Variants in LEF1 observed in about 807,000 individuals in gnomAD.
LEF1 encodes the protein lymphoid enhancer binding factor 1.
A neutral mutation model predicts 51.2 loss-of-function variants in LEF1; 14 were observed. The observed-to-expected ratio is 0.27, with a 90% confidence interval of 0.18 to 0.43. The LOEUF (loss-of-function observed/expected upper bound fraction) is 0.43. Ranked by LOEUF, LEF1 falls within the 20% of genes least tolerant of loss-of-function variation. The pLI, the probability that LEF1 is intolerant of heterozygous loss-of-function variation, is 1.00. For synonymous variants in LEF1, 185 were observed against 183.2 expected, an observed-to-expected ratio of 1.01 and a Z score of -0.08; for missense variants, 386 against 512.0, an observed-to-expected ratio of 0.75 and a Z score of 2.37.
intron 3 of LEF1, among the ~76,000 whole-genome samples, chr4:108,094,596 G>C (rs1740257640): frequency 6.6e-6 from 1 of 152,218 alleles, no homozygotes; most frequent in East Asian, 1.9e-4. Context: ...CTGGATAGAG[G>C]AGTAACTGGG....
At chr4:108,102,196 C>G (rs980430029) in intron 3 of LEF1, among the ~76,000 whole-genome samples, 1 of 152,008 alleles carries the variant, frequency 6.6e-6, no homozygotes, top group African/African-American at 2.4e-5. Flanking sequence ...TCTGAAAGAA[C>G]ATAAATGGTA....
At chr4:108,105,002 G>A (rs1484531159) in intron 3 of LEF1, among the ~76,000 whole-genome samples, 2 of 152,068 alleles carry the variant, frequency 1.3e-5, no homozygotes, top group Non-Finnish European at 2.9e-5. Flanking sequence ...TGAAGAGAAC[G>A]TGCAGACTCT....
chr4:108,081,396 G>C (rs1430958968), intron 6 of LEF1, among the ~76,000 whole-genome samples, 190 bp downstream of exon 6: 1 of 152,082 alleles, frequency 6.6e-6, no homozygotes, highest in Admixed American at 6.5e-5. Context: ...GTCCGGCCGG[G>C]GCACAGCGCA....
intron 3 of LEF1, among the ~76,000 whole-genome samples, chr4:108,099,542 A>ATGTG (rs67372037): frequency 1.3e-4 from 15 of 117,004 alleles, no homozygotes; most frequent in Admixed American, 1.2e-3. Context: ...ATATGTGTAT[A>ATGTG]TGTGTGTGTG....
In LEF1 at chr4:108,167,351, TACACACACACACACACACACACACACAC is replaced by T. The variant is rs35000095; in HGVS notation, c.213+176_213+203del. On this transcript the variant is annotated intron_variant, in intron 1 of 11. Transcript: ENST00000265165. The surrounding 1 kb of genome is among the most constrained non-coding windows in gnomAD (Gnocchi z 5.7). ...TACCCTGCCCCTCTACCTCCCATCC[TACACACACACACACACACACACACACAC>T]ACACACACACACACACTGCGGACCG... 3.0e-5 allele frequency among the ~76,000 whole-genome samples: 4 copies of T among 131,696 alleles called. No homozygotes were observed. The highest frequency in any genetic ancestry group is 7.5e-5 in the Admixed American group (1 of 13,342). The allele number at this position is 131,696 out of a possible 152,430, so 86.4% of individuals were successfully genotyped here.
intron 3 of LEF1, among the ~76,000 whole-genome samples, chr4:108,113,863 G>T (rs1014350815): frequency 1.3e-5 from 2 of 152,018 alleles, no homozygotes; most frequent in African/African-American, 4.8e-5. Flanking sequence ...AAGAAAAGAC[G>T]GATCCAATTG....
Position 108,057,857 on chromosome 4 carries a change from G to C in LEF1, c.*6+5766C>G, listed in dbSNP as rs369434107. ...TTATTTAGCCAAATGTGTTTAAGCA[G>C]ATGATTTTTTTTATCTTTTTTTTTT... On this transcript the variant is annotated intron_variant, in intron 11 of 11. Coordinates refer to ENST00000265165, the MANE Select transcript of LEF1 (RefSeq NM_016269.5). Among the ~76,000 whole-genome samples, 30 of 151,698 alleles carry C rather than the reference G, an allele frequency of 2.0e-4. No homozygotes were observed. The East Asian group carries it at 4.3e-3, about 22-fold the overall frequency.
chr4:108,123,922 A>C (rs1041103153), intron 3 of LEF1, among the ~76,000 whole-genome samples: 1 of 152,078 alleles, frequency 6.6e-6, no homozygotes, highest in Non-Finnish European at 1.5e-5. Flanking sequence ...CAGGAGGATC[A>C]CCTGAGGCCA....
intron 9 of LEF1, among the ~76,000 whole-genome samples, chr4:108,065,652 G>A (rs1738029671): frequency 6.6e-6 from 1 of 152,150 alleles, no homozygotes; most frequent in African/African-American, 2.4e-5. Flanking sequence ...GAACTATCTT[G>A]AGGTGCAGAA....
Position 108,163,643 on chromosome 4 carries a change from C to T in LEF1, c.339G>A (p.Gly113=). 1.2e-6 allele frequency: 2 copies of T among 1,613,728 alleles called. No individual in the cohort carries two copies. The highest frequency in any genetic ancestry group is 1.7e-6 in the Non-Finnish European group (2 of 1,179,706). Residue 113 remains glycine, a synonymous_variant, in exon 3 of 12, where the codon GGG becomes GGA. Transcript: ENST00000265165. ...TATTCATATTTGGCATCATTATGTACCCGGAATAACTCGAGTAGGAGGGTC... is the reference window on the plus strand; with the variant it reads ...TATTCATATTTGGCATCATTATGTATCCGGAATAACTCGAGTAGGAGGGTC... ...NKGPSYSSYS[G]YIMMPNMNND...
At chr4:108,140,958 CATA>C (rs1214438375) in intron 3 of LEF1, among the ~76,000 whole-genome samples, 2 of 152,102 alleles carry the variant, frequency 1.3e-5, no homozygotes, top group African/African-American at 4.8e-5. Flanking sequence ...GGTGAAAAAA[CATA>C]ATGCTTTTTT....
chr4:108,076,372 T>C (rs1352609147), intron 8 of LEF1, among the ~76,000 whole-genome samples: 4 of 152,192 alleles, frequency 2.6e-5, no homozygotes, highest in African/African-American at 9.6e-5. Context: ...TAGGTGGATA[T>C]TTATTTAATT....
chr4:108,092,983 C>G (rs1740146521), intron 3 of LEF1, among the ~76,000 whole-genome samples: 1 of 136,482 alleles, frequency 7.3e-6, no homozygotes, highest in Non-Finnish European at 1.6e-5. Flanking sequence ...GCATCAAGTA[C>G]TATGAAGAAA....
intron 7 of LEF1, 111 bp from the exon 8 acceptor site, chr4:108,078,493 C>G: frequency 1.4e-6 from 2 of 1,383,196 alleles, no homozygotes; most frequent in Non-Finnish European, 2.0e-6. Flanking sequence ...AGGATGGCGA[C>G]AACCCTCTCA....
At chr4:108,093,035 C>T (rs565588828) in intron 3 of LEF1, among the ~76,000 whole-genome samples, 32 of 150,624 alleles carry the variant, frequency 2.1e-4, no homozygotes, top group Non-Finnish European at 4.4e-4. Flanking sequence ...TAAGTATATG[C>T]CTTTTTATTA....
At chr4:108,146,764 G>A (rs1220625608) in intron 3 of LEF1, among the ~76,000 whole-genome samples, 1 of 152,142 alleles carries the variant, frequency 6.6e-6, no homozygotes, top group Non-Finnish European at 1.5e-5. Context: ...AGTGTTCAAA[G>A]AGTTTCAGAT....
intron 3 of LEF1, among the ~76,000 whole-genome samples, chr4:108,098,699 G>A (rs752864928): frequency 4.6e-5 from 7 of 151,974 alleles, no homozygotes; most frequent in Admixed American, 2.0e-4. Flanking sequence ...ACTTAAAATT[G>A]GGTGTTTTAG....
At chr4:108,124,428 G>T (rs942730629) in intron 3 of LEF1, among the ~76,000 whole-genome samples, 2 of 151,218 alleles carry the variant, frequency 1.3e-5, no homozygotes, top group Admixed American at 1.3e-4. Flanking sequence ...GGAGTGCAAT[G>T]GTGCAGTCTA....
intron 5 of LEF1, chr4:108,083,143 T>G (rs1463190867): frequency 7.1e-6 from 4 of 562,424 alleles, no homozygotes; most frequent in Non-Finnish European, 1.3e-5. Context: ...TACAGTCATT[T>G]TCTACCCATA....
Sources: gnomAD v4.1 joint callset for allele counts (sites outside exome capture counted in the v4.1 genomes callset) on GRCh38, gnomAD v4.1.1 for gene constraint, Gnocchi (gnomAD v3.1) non-coding constraint, MANE v1.5 for transcripts, NCBI Gene and HGNC (gene_info 2026-07-23, HGNC 2026-07-21) for gene names.